Variants in ATP10B observed in about 807,000 individuals in gnomAD.
ATP10B encodes ATPase phospholipid transporting 10B (putative), also known as phospholipid-transporting ATPase VB.
A neutral mutation model predicts 141.2 loss-of-function variants in ATP10B; 122 were observed. The observed-to-expected ratio is 0.86, with a 90% CI of 0.75 to 1.00. The LOEUF is 1.00. ATP10B is among the 50% of genes least tolerant of loss of function. The pLI is 0.00. For synonymous variants in ATP10B, 685 were observed against 692.0 expected (o/e 0.99, Z 0.16); for missense variants, 1,876 against 1,825.3 (o/e 1.03, Z -0.51).
intron 10 of ATP10B, among the ~76,000 whole-genome samples, chr5:160,636,944 C>T (rs1759425391): frequency 6.6e-6 from 1 of 151,638 alleles, no homozygotes; most frequent in Non-Finnish European, 1.5e-5. Context: ...ATCCATCCAC[C>T]CATCTACTCA....
chr5:160,761,026 T>C (rs953327591), intron 2 of ATP10B, among the ~76,000 whole-genome samples: 3 of 152,108 alleles, frequency 2.0e-5, no homozygotes, highest in Admixed American at 1.3e-4. Flanking sequence ...CTGGCCAGCG[T>C]AGGGTAAGAT....
Position 160,591,079 on chromosome 5 carries a change from A to T in ATP10B, c.3625T>A (p.Cys1209Ser), listed in dbSNP as rs371009707. Residue 1209 changes from cysteine to serine, a missense_variant, in exon 23 of 26, where the codon TGT (cysteine) becomes AGT (serine). Coordinates refer to ENST00000327245, the MANE Select transcript of ATP10B (RefSeq NM_025153.3). ...CTTACCAGGTAAGGGATAAAGAAAC[A>T]GATGAGGCTCTGGTAGAATGCATCC... ...MVDAFYQSLI[C>S]FFIPYLAYKG... 6.2e-7 allele frequency: 1 copy of T among 1,614,038 alleles called. No individual in the cohort carries two copies. Among genetic ancestry groups the T allele is most frequent in the African/African-American group, 1.3e-5 (1 of 75,050 alleles).
chr5:160,644,489 C>A (rs1760132116), intron 8 of ATP10B, among the ~76,000 whole-genome samples: 1 of 152,106 alleles, frequency 6.6e-6, no homozygotes. Context: ...AGAAAATTGT[C>A]CCATTTACCA....
At chr5:160,585,948 T>C (rs1755861739) in intron 24 of ATP10B, among the ~76,000 whole-genome samples, 1 of 152,186 alleles carries the variant, frequency 6.6e-6, no homozygotes, top group African/African-American at 2.4e-5. Context: ...TTGGTACACA[T>C]TGGAGCAGGA....
intron 2 of ATP10B, among the ~76,000 whole-genome samples, chr5:160,754,862 C>G: frequency 6.6e-6 from 1 of 152,140 alleles, no homozygotes; most frequent in East Asian, 1.9e-4. Context: ...CCAAAGATCA[C>G]CAATGTGTCA....
the ATP10B span, among the ~76,000 whole-genome samples, chr5:160,901,306 A>T: frequency 1.3e-5 from 2 of 152,172 alleles, no homozygotes; most frequent in Admixed American, 1.3e-4. Context: ...ATACAGTGTT[A>T]AGAGAAACTT....
intron 7 of ATP10B, among the ~76,000 whole-genome samples, chr5:160,654,698 GTCA>G (rs956548568): frequency 6.7e-6 from 1 of 149,540 alleles, no homozygotes; most frequent in African/African-American, 2.6e-5. Flanking sequence ...AGTCATTGTC[GTCA>G]TCGTCATCAT....
intron 18 of ATP10B, 88 bp from the exon 19 acceptor site, chr5:160,607,174 A>G (rs928917821): frequency 9.1e-7 from 1 of 1,098,416 alleles, no homozygotes; most frequent in African/African-American, 1.6e-5. Context: ...TAAGATAGTC[A>G]TAAAACTCTA....
chr5:160,724,357 A>G (rs1766194374), intron 2 of ATP10B, among the ~76,000 whole-genome samples: 1 of 150,734 alleles, frequency 6.6e-6, no homozygotes, highest in Non-Finnish European at 1.5e-5. Context: ...TACAGGCCTC[A>G]AGTGATCATC....
chr5:160,589,739 G>T, intron 23 of ATP10B, 43 bp from the exon 24 acceptor site: 1 of 1,470,102 alleles, frequency 6.8e-7, no homozygotes, highest in Non-Finnish European at 9.5e-7. Context: ...TATGTCTGTG[G>T]ACTAACTTTG....
At chr5:160,665,509 T>G (rs935406279) in intron 7 of ATP10B, among the ~76,000 whole-genome samples, 1 of 152,250 alleles carries the variant, frequency 6.6e-6, no homozygotes, top group Non-Finnish European at 1.5e-5. Context: ...AACAGGCCTA[T>G]TGACTCCAGG....
intron 1 of ATP10B, among the ~76,000 whole-genome samples, chr5:160,794,687 C>T (rs1349626428): frequency 1.3e-5 from 2 of 152,328 alleles, no homozygotes; most frequent in African/African-American, 4.8e-5. Flanking sequence ...AAACATCAAA[C>T]TCCTTGCCTC....
chr5:160,568,111 G>T (rs774108339), intron 25 of ATP10B, among the ~76,000 whole-genome samples: 1 of 152,218 alleles, frequency 6.6e-6, no homozygotes, highest in South Asian at 2.1e-4. Context: ...CTGGGGTGGT[G>T]CCGGTGATAG....
chr5:160,593,565 A>G (rs1328595395), intron 22 of ATP10B, among the ~76,000 whole-genome samples: 3 of 152,272 alleles, frequency 2.0e-5, no homozygotes, highest in Non-Finnish European at 4.4e-5. Context: ...AAAGCTGGAC[A>G]GAGAATGACT....
rs60078265 is a variant in ATP10B at position 160,823,001 on chromosome 5, C to CATAT, written c.-576+28936_-576+28939dup. On this transcript the variant is annotated intron_variant, in intron 1 of 25. Transcript: ENST00000327245. ...AAAATTACATATACATATATATATA[C>CATAT]ATATATATATATATATATATATATA... Among the ~76,000 whole-genome samples, 231 of 34,464 alleles carry CATAT rather than the reference C, an allele frequency of 6.7e-3. 7 individuals are homozygous for CATAT. The highest frequency in any genetic ancestry group is 0.02 in the African/African-American group (209 of 10,702). 22.6% of individuals were successfully genotyped at this position (34,464 alleles called of 152,430 possible). A position where few individuals can be genotyped will look rare whatever the true frequency, so the allele number is the denominator to read the frequency against.
At chr5:160,863,684 T>G in the ATP10B span, among the ~76,000 whole-genome samples, 6 of 151,816 alleles carry the variant, frequency 4.0e-5, no homozygotes, top group Non-Finnish European at 5.9e-5. Flanking sequence ...AAAAGATAAA[T>G]AAAATTGGTA....
the ATP10B span, among the ~76,000 whole-genome samples, chr5:160,873,282 G>A: frequency 1.1e-4 from 16 of 152,022 alleles, no homozygotes; most frequent in Admixed American, 1.0e-3. Flanking sequence ...AAAACCTATG[G>A]TTAACATCAT....
At chr5:160,826,965 AAC>A (rs1254326092) in intron 1 of ATP10B, among the ~76,000 whole-genome samples, 1 of 152,180 alleles carries the variant, frequency 6.6e-6, no homozygotes, top group Non-Finnish European at 1.5e-5. Flanking sequence ...TGTGCCACTG[AAC>A]ACAGACCCTT....
the ATP10B span, among the ~76,000 whole-genome samples, chr5:160,857,652 A>G: frequency 6.6e-6 from 1 of 151,834 alleles, no homozygotes; most frequent in Non-Finnish European, 1.5e-5. Context: ...TTAGTGATAT[A>G]AATTTCTCTC....
Sources: gnomAD v4.1 joint callset for allele counts (sites outside exome capture counted in the v4.1 genomes callset) on GRCh38, gnomAD v4.1.1 for gene constraint, MANE v1.5 for transcripts, NCBI Gene and HGNC (gene_info 2026-07-23, HGNC 2026-07-21) for gene names.